The following FBRSL1 variants were observed in gnomAD, a reference collection of about 807,000 sequenced individuals.
FBRSL1 encodes fibrosin-1-like protein.
FBRSL1 carries 51 observed loss-of-function variants against 89.6 expected under a neutral mutation model. The observed-to-expected ratio is 0.57, with a 90% CI of 0.45 to 0.72. The LOEUF (loss-of-function observed/expected upper bound fraction) is 0.72. Ranked by LOEUF, FBRSL1 falls within the 30% of genes least tolerant of loss-of-function variation. FBRSL1 has a pLI of 0.00. For missense variants in FBRSL1, 1,618 were observed against 1,451.8 expected (o/e 1.11, Z -1.86); for synonymous variants, 779 against 681.1 (o/e 1.14, Z -2.24).
chr12:132,582,867 A>C (rs776216827), intron 18 of FBRSL1, 104 bp from the exon 19 acceptor site: 51 of 947,398 alleles, frequency 5.4e-5, no homozygotes, highest in Non-Finnish European at 6.8e-5. Flanking sequence ...GTCACCGGCC[A>C]CCCAGAAACT....
Position 132,572,182 on chromosome 12 carries a change from C to T in FBRSL1, c.1378-106C>T, listed in dbSNP as rs1593558946. ...GGCCGAAGCCGCCAGCCTCAGGAAG[C>T]ACAACGCCGTCCTGTCACTGCCCAG... On this transcript the variant is annotated intron_variant, in intron 9 of 18. Transcript: ENST00000680143. The T allele has an allele frequency of 1.2e-5, 12 of 1,034,298 alleles. No individual in the cohort carries two copies. In the East Asian group the frequency reaches 3.1e-4, roughly 27 times the overall value. 64.1% of individuals were successfully genotyped at this position (1,034,298 alleles called of 1,614,324 possible).
chr12:132,573,167 C>T (rs979270389), intron 11 of FBRSL1, among the ~76,000 whole-genome samples: 7 of 152,174 alleles, frequency 4.6e-5, no homozygotes, highest in Non-Finnish European at 4.4e-5. Flanking sequence ...CCACCCTCTG[C>T]GGAGGGGCAC....
chr12:132,513,286 G>A (rs2034535592), intron 2 of FBRSL1, among the ~76,000 whole-genome samples: 1 of 152,186 alleles, frequency 6.6e-6, no homozygotes, highest in Admixed American at 6.5e-5. Flanking sequence ...GTTGGAACAT[G>A]GCTTGTTCCC....
In FBRSL1 at chr12:132,570,324, G is replaced by A. The variant is rs772145802; in HGVS notation, c.1008-11G>A. On this transcript the variant is annotated splice_polypyrimidine_tract_variant and intron_variant, in intron 7 of 18. Coordinates refer to ENST00000680143, the MANE Select transcript of FBRSL1 (RefSeq NM_001367871.1). ...GTCGGGCTGGCAGGCACTGAGCCCC[G>A]TGTCCCGCAGCAGGAGCAGCAGCGC... The A allele has an allele frequency of 2.1e-4, 321 of 1,527,966 alleles. No homozygotes were observed. Among genetic ancestry groups the A allele is most frequent in the Non-Finnish European group, 2.7e-4 (304 of 1,142,626 alleles). 94.7% of individuals were successfully genotyped at this position (1,527,966 alleles called of 1,614,324 possible). A position where few individuals can be genotyped will look rare whatever the true frequency, so the allele number is the denominator to read the frequency against.
intron 5 of FBRSL1, 80 bp from the exon 6 acceptor site, chr12:132,567,401 T>G: frequency 3.5e-6 from 5 of 1,412,816 alleles, no homozygotes; most frequent in Non-Finnish European, 4.9e-6. Flanking sequence ...CCACCCAGAC[T>G]TGTGTGTGGG....
chr12:132,545,524 C>G (rs757617534), intron 4 of FBRSL1, among the ~76,000 whole-genome samples: 3 of 152,270 alleles, frequency 2.0e-5, no homozygotes, highest in African/African-American at 4.8e-5. Context: ...AAGCACCCCT[C>G]AGTGTCTCCT....
chr12:132,581,390 G>T (rs1227758511), intron 15 of FBRSL1, 49 bp from the exon 16 acceptor site: 1 of 1,550,490 alleles, frequency 6.4e-7, no homozygotes, highest in Non-Finnish European at 8.7e-7. Context: ...CAGATGGGAG[G>T]CCCTGGTGCT....
chr12:132,502,042 G>C (rs1013069127), intron 1 of FBRSL1, among the ~76,000 whole-genome samples: 2 of 152,196 alleles, frequency 1.3e-5, no homozygotes, highest in African/African-American at 4.8e-5. Context: ...AGAGTGCATG[G>C]ACGGGACATA....
intron 8 of FBRSL1, 35 bp from the exon 9 acceptor site, chr12:132,571,032 CG>C: frequency 7.8e-7 from 1 of 1,282,922 alleles, no homozygotes; most frequent in Non-Finnish European, 9.8e-7. Flanking sequence ...CCCTGGCTCC[CG>C]GGGAGGGGCT....
Position 132,504,946 on chromosome 12 carries a change from A to G in FBRSL1, c.292-3207A>G, listed in dbSNP as rs1462251158. On this transcript the variant is annotated intron_variant, in intron 1 of 18. Transcript: ENST00000680143. ...GGAGTTTGAGACCAGCCTGGCCAACATGGTGAAATTCTGTCTCTAGTAAAA... is the reference window on the plus strand; with the variant it reads ...GGAGTTTGAGACCAGCCTGGCCAACGTGGTGAAATTCTGTCTCTAGTAAAA... 6.6e-5 allele frequency among the ~76,000 whole-genome samples: 10 copies of G among 152,286 alleles called. No homozygotes were observed. The South Asian group carries it at 1.2e-3, about 19-fold the overall frequency.
chr12:132,511,779 CG>C (rs1352868792), intron 2 of FBRSL1: 1 of 985,306 alleles, frequency 1.0e-6, no homozygotes, highest in African/African-American at 1.7e-5. Context: ...CAGGCCCTCC[CG>C]GGTCCTGACC....
intron 2 of FBRSL1, among the ~76,000 whole-genome samples, chr12:132,514,963 TTTTACA>T (rs1321384454): frequency 1.3e-5 from 2 of 152,214 alleles, no homozygotes; most frequent in South Asian, 4.1e-4. Flanking sequence ...CCAGCAGGTG[TTTTACA>T]TTTACAACAC....
At position 132,524,960 on chromosome 12, in the gene FBRSL1, G is replaced by C. The variant is rs533051989; in HGVS notation, c.490-774G>C. Reference sequence around the variant, plus strand: ...GTAAAGGAAAATAGTTTCTACTCGGGGCCACCGTGTGAGCAAATGTGTGAG... The same window carrying C: ...GTAAAGGAAAATAGTTTCTACTCGGCGCCACCGTGTGAGCAAATGTGTGAG... On this transcript the variant is annotated intron_variant, in intron 2 of 18. Coordinates refer to ENST00000680143, the MANE Select transcript of FBRSL1 (RefSeq NM_001367871.1). Among the ~76,000 whole-genome samples, 10 of 152,314 alleles carry C rather than the reference G, an allele frequency of 6.6e-5. No individual in the cohort carries two copies. The East Asian group carries it at 1.9e-3, about 29-fold the overall frequency.
chr12:132,511,512 A>G, intron 2 of FBRSL1: 1 of 985,682 alleles, frequency 1.0e-6, no homozygotes, highest in Non-Finnish European at 1.2e-6. Flanking sequence ...CCCAAAAGGG[A>G]GGGGGTGTTT....
chr12:132,494,599 C>T (rs925686754), intron 1 of FBRSL1, among the ~76,000 whole-genome samples: 2 of 152,248 alleles, frequency 1.3e-5, no homozygotes, highest in Non-Finnish European at 1.5e-5. Context: ...GCACATTGGC[C>T]ACTAGCTCCA....
At position 132,508,640 on chromosome 12, in the gene FBRSL1, C is replaced by T. The variant is rs559796164; in HGVS notation, c.489+290C>T. 4.7e-4 allele frequency among the ~76,000 whole-genome samples: 71 copies of T among 152,354 alleles called. 1 individual carries two copies. In the South Asian group the frequency reaches 0.012, roughly 26 times the overall value. ...GGGCTGGGGCGCCAAGCTGATAGGC[C>T]GGCCCCGTTTCCCTGCCGTGTCCAT... On this transcript the variant is annotated intron_variant, in intron 2 of 18. Coordinates refer to ENST00000680143, the MANE Select transcript of FBRSL1 (RefSeq NM_001367871.1).
At position 132,571,050 on chromosome 12, in the gene FBRSL1, G is replaced by C. The variant is rs1305249798; in HGVS notation, c.1214-18G>C. Reference sequence around the variant, plus strand: ...TGGCTCCCGGGGAGGGGCTCACCGTGTTCTCTCTTGCCTCTAGATGCCAGC... The same window carrying C: ...TGGCTCCCGGGGAGGGGCTCACCGTCTTCTCTCTTGCCTCTAGATGCCAGC... On this transcript the variant is annotated intron_variant, in intron 8 of 18. Transcript: ENST00000680143. The C allele has an allele frequency of 7.6e-7, 1 of 1,318,962 alleles. No individual in the cohort carries two copies. The highest frequency in any genetic ancestry group is 9.6e-7 in the Non-Finnish European group (1 of 1,037,594). 81.7% of individuals were successfully genotyped at this position (1,318,962 alleles called of 1,614,324 possible).
chr12:132,581,520 GGT>G lies in FBRSL1; in HGVS notation c.1912+7_1912+8del. 6.4e-7 allele frequency: 1 copy of G among 1,550,896 alleles called. No individual in the cohort carries two copies. Among genetic ancestry groups the G allele is most frequent in the Non-Finnish European group, 8.7e-7 (1 of 1,146,846 alleles). ...CTGCCCACTGGCCCCCTGACAGGTGGGTGTCTCTGAATTCAGCCCACGCAGCC... is the reference window on the plus strand; with the variant it reads ...CTGCCCACTGGCCCCCTGACAGGTGGGTCTCTGAATTCAGCCCACGCAGCC... On this transcript the variant is annotated splice_donor_5th_base_variant and intron_variant, in intron 16 of 18. Transcript: ENST00000680143.
chr12:132,523,444 C>T (rs1313716306), intron 2 of FBRSL1, among the ~76,000 whole-genome samples: 1 of 152,126 alleles, frequency 6.6e-6, no homozygotes, highest in African/African-American at 2.4e-5. Flanking sequence ...CCCACCGAGC[C>T]CCTCTGTGGC....
Sources: gnomAD v4.1 joint callset for allele counts (sites outside exome capture counted in the v4.1 genomes callset) on GRCh38, gnomAD v4.1.1 for gene constraint, MANE v1.5 for transcripts, NCBI Gene and HGNC (gene_info 2026-07-23, HGNC 2026-07-21) for gene names.